RBFOX1: variants seen among roughly 807,000 people sequenced by gnomAD.
RBFOX1 encodes RNA binding fox-1 homolog 1.
A neutral mutation model predicts 57.7 loss-of-function variants in RBFOX1; 8 were observed. The ratio of observed to expected loss-of-function variants is 0.14; its 90% CI spans 0.08 to 0.25. The LOEUF (loss-of-function observed/expected upper bound fraction) is 0.25, where lower values mean the gene tolerates loss of function less well. Ranked by LOEUF, RBFOX1 falls within the 10% of genes least tolerant of loss-of-function variation. RBFOX1 has a pLI of 1.00. For missense variants in RBFOX1, 611 were observed against 548.5 expected, an observed-to-expected ratio of 1.11 and a Z score of -1.14; for synonymous variants, 326 against 222.4, an observed-to-expected ratio of 1.47 and a Z score of -4.15.
At chr16:6,594,812 G>A (rs1244805934) in intron 2 of RBFOX1, among the ~76,000 whole-genome samples, 6 of 151,994 alleles carry the variant, frequency 3.9e-5, no homozygotes, top group South Asian at 2.1e-4. Context: ...TTTTTGAGAC[G>A]GAGTCTCATT....
In RBFOX1 at chr16:7,634,388, G is replaced by GT. The variant is rs57522849; in HGVS notation, c.757+3716dup. On this transcript the variant is annotated intron_variant, in intron 11 of 15. Transcript: ENST00000550418. The stretch of plus-strand genomic sequence containing the variant: ...GATCTTTAACTGGCCTTTGATGTTT[G>GT]TTTTTTTTTTTCGAGACTTAAATTG... Among the ~76,000 whole-genome samples, 249 of 141,824 alleles carry GT rather than the reference G, an allele frequency of 1.8e-3. 1 individual carries two copies. Among genetic ancestry groups the GT allele is most frequent in the Non-Finnish European group, 2.0e-3 (128 of 64,394 alleles). The allele number at this position is 141,824 out of a possible 152,430, so 93.0% of individuals were successfully genotyped here.
intron 3 of RBFOX1, among the ~76,000 whole-genome samples, chr16:5,836,732 C>G (rs2056470526): frequency 6.6e-6 from 1 of 152,206 alleles, no homozygotes; most frequent in Non-Finnish European, 1.5e-5. Context: ...CCTCTACCCA[C>G]TAGATGCCAT....
chr16:6,908,504 G>T (rs1010207725), intron 3 of RBFOX1, among the ~76,000 whole-genome samples: 1 of 152,112 alleles, frequency 6.6e-6, no homozygotes, highest in African/African-American at 2.4e-5. Flanking sequence ...GTATTTCCGG[G>T]TTATAGCTGA....
chr16:7,366,530 C>A (rs190928555), intron 4 of RBFOX1, among the ~76,000 whole-genome samples: 119 of 152,304 alleles, frequency 7.8e-4, no homozygotes, highest in African/African-American at 2.5e-3. Context: ...TGATTTCTGT[C>A]CTTCCTCCCT....
At chr16:6,458,019 A>AAC (rs989485503) in intron 2 of RBFOX1, among the ~76,000 whole-genome samples, 1 of 151,726 alleles carries the variant, frequency 6.6e-6, no homozygotes, top group Admixed American at 6.6e-5. Context: ...CTGAAAAAAA[A>AAC]AAGAATCTCT....
chr16:6,152,386 A>G (rs1295170523), intron 1 of RBFOX1, among the ~76,000 whole-genome samples: 2 of 152,034 alleles, frequency 1.3e-5, no homozygotes, highest in African/African-American at 4.8e-5. Flanking sequence ...ATATGCATGG[A>G]AAAGTTTTAA....
intron 3 of RBFOX1, among the ~76,000 whole-genome samples, chr16:5,762,269 G>T (rs1213690534): frequency 6.6e-6 from 1 of 151,368 alleles, no homozygotes; most frequent in African/African-American, 2.4e-5. Context: ...TTGGAAAAAT[G>T]TTCAGACTGG....
chr16:7,187,690 C>CAAAAAAAAAAAAAAAAAA (rs536529201), intron 4 of RBFOX1, among the ~76,000 whole-genome samples: 3 of 72,564 alleles, frequency 4.1e-5, no homozygotes, highest in African/African-American at 1.3e-4. Flanking sequence ...CTCTGTCTCA[C>CAAAAAAAAAAAAAAAAAA]AAAAAAAAAA....
intron 4 of RBFOX1, among the ~76,000 whole-genome samples, chr16:5,904,342 C>T (rs1346444769): frequency 6.6e-6 from 1 of 152,060 alleles, no homozygotes; most frequent in African/African-American, 2.4e-5. Context: ...ACTTTGATGC[C>T]TGCTCCCAGC....
intron 1 of RBFOX1, among the ~76,000 whole-genome samples, chr16:5,255,705 T>C (rs150783132): frequency 6.6e-6 from 1 of 151,878 alleles, no homozygotes; most frequent in East Asian, 2.0e-4. Flanking sequence ...CCCACCTATC[T>C]ATCCATCCAT....
chr16:6,261,388 G>A (rs2097700601), intron 1 of RBFOX1, among the ~76,000 whole-genome samples: 1 of 152,182 alleles, frequency 6.6e-6, no homozygotes, highest in South Asian at 2.1e-4. Flanking sequence ...GTACGTCAAA[G>A]CAAAAGCAAC....
chr16:7,544,974 A>G (rs990998978), intron 5 of RBFOX1, among the ~76,000 whole-genome samples: 1 of 152,202 alleles, frequency 6.6e-6, no homozygotes, highest in African/African-American at 2.4e-5. Flanking sequence ...AACGGAATGT[A>G]TGAATGAATG....
chr16:6,601,667 G>T (rs1322427724), intron 2 of RBFOX1, among the ~76,000 whole-genome samples: 1 of 152,116 alleles, frequency 6.6e-6, no homozygotes, highest in Non-Finnish European at 1.5e-5. Context: ...ATATTAAAAA[G>T]AACGTATAAG....
At chr16:5,607,672 T>G (rs1411021315) in intron 3 of RBFOX1, among the ~76,000 whole-genome samples, 2 of 152,294 alleles carry the variant, frequency 1.3e-5, no homozygotes, top group Non-Finnish European at 1.5e-5. Context: ...TGATGTAAAC[T>G]GTCCCAGAAG....
chr16:7,607,150 T>A, intron 9 of RBFOX1, 135 bp from the exon 10 acceptor site: 1 of 686,948 alleles, frequency 1.5e-6, no homozygotes, highest in Non-Finnish European at 2.3e-6. Flanking sequence ...TTTTTATGCA[T>A]GCCCAAACGA....
intron 4 of RBFOX1, among the ~76,000 whole-genome samples, chr16:7,248,670 C>T (rs1001810632): frequency 1.3e-5 from 2 of 152,108 alleles, no homozygotes; most frequent in African/African-American, 2.4e-5. Flanking sequence ...ATAGGAAATT[C>T]AAGTACTGCA....
At chr16:7,488,441 C>T (rs1056593716) in intron 4 of RBFOX1, among the ~76,000 whole-genome samples, 1 of 19,420 alleles carries the variant, frequency 5.1e-5, no homozygotes, top group African/African-American at 5.7e-5. Flanking sequence ...ATCATTCTTT[C>T]GTTGTTTGTC....
intron 2 of RBFOX1, among the ~76,000 whole-genome samples, chr16:5,475,732 A>C (rs964910532): frequency 1.3e-5 from 2 of 152,208 alleles, no homozygotes; most frequent in Non-Finnish European, 2.9e-5. Context: ...AGGTTTCATA[A>C]GATGCCTACA....
intron 4 of RBFOX1, among the ~76,000 whole-genome samples, chr16:7,106,104 T>A (rs112161543): frequency 2.0e-5 from 3 of 152,176 alleles, no homozygotes; most frequent in African/African-American, 7.2e-5. Context: ...TTCCTCCTTG[T>A]CCTTTGAAAC....
Sources: gnomAD v4.1 joint callset for allele counts (sites outside exome capture counted in the v4.1 genomes callset) on GRCh38, gnomAD v4.1.1 for gene constraint, MANE v1.5 for transcripts, NCBI Gene and HGNC (gene_info 2026-07-23, HGNC 2026-07-21) for gene names.